The following HSPBAP1 variants were observed in gnomAD, a reference collection of about 807,000 sequenced individuals.
HSPBAP1 encodes HSPB1 associated protein 1.
Under a neutral mutation model 45.2 loss-of-function variants are expected in HSPBAP1, and 27 were observed. The observed-to-expected ratio is 0.60, with a 90% CI of 0.44 to 0.82. The LOEUF is 0.82. HSPBAP1 is among the 40% of genes least tolerant of loss of function. The probability of loss-of-function intolerance (pLI) is 0.00; values close to 1 mark genes in which losing one functional copy is unlikely to be tolerated. For synonymous variants in HSPBAP1, 204 were observed against 202.7 expected, an observed-to-expected ratio of 1.01 and a Z score of -0.06; for missense variants, 510 against 590.9, an observed-to-expected ratio of 0.86 and a Z score of 1.42.
intron 6 of HSPBAP1, among the ~76,000 whole-genome samples, chr3:122,747,770 C>T (rs1383138177): frequency 3.3e-5 from 5 of 149,970 alleles, no homozygotes; most frequent in African/African-American, 4.9e-5. Flanking sequence ...GGGGGTCAGC[C>T]CCCCGCCCGG....
chr3:122,783,833 CT>C (rs79338116), intron 1 of HSPBAP1, among the ~76,000 whole-genome samples: 61 of 145,098 alleles, frequency 4.2e-4, no homozygotes, highest in Admixed American at 6.9e-4. Flanking sequence ...GGGCAACTTT[CT>C]TTTTTTTTTT....
chr3:122,767,601 A>G (rs1360582791), intron 3 of HSPBAP1, among the ~76,000 whole-genome samples: 1 of 152,120 alleles, frequency 6.6e-6, no homozygotes, highest in Non-Finnish European at 1.5e-5. Context: ...ACTATGGGGC[A>G]AGGTGACACA....
chr3:122,772,347 AAG>A (rs1935031219), intron 2 of HSPBAP1, among the ~76,000 whole-genome samples: 1 of 152,190 alleles, frequency 6.6e-6, no homozygotes, highest in Admixed American at 6.5e-5. Context: ...TATAAGAAAA[AAG>A]AGTAATTAGG....
chr3:122,779,512 A>ATTTATTTATTTATTTG (rs1209817362), intron 1 of HSPBAP1, among the ~76,000 whole-genome samples: 1 of 143,190 alleles, frequency 7.0e-6, no homozygotes, highest in African/African-American at 2.5e-5. Flanking sequence ...TTATTTATTT[A>ATTTATTTATTTATTTG]TTTATTTATT....
intron 4 of HSPBAP1, among the ~76,000 whole-genome samples, chr3:122,757,012 C>T (rs1024377189): frequency 2.6e-5 from 4 of 152,178 alleles, no homozygotes; most frequent in Non-Finnish European, 4.4e-5. Context: ...GGATTCAGAG[C>T]TAGGTCACAG....
chr3:122,777,729 A>T lies in HSPBAP1; in HGVS notation c.242T>A (p.Met81Lys). Residue 81 changes from methionine to lysine, a missense_variant, in exon 2 of 8, where the codon ATG becomes AAG. Met to Lys is a moderately conservative substitution (Grantham distance 95). Transcript: ENST00000306103. ...ATTACCTATAGTCATACCTGTGCTC[A>T]TGCTTTTCATCCCCATTCTGAATCG... is the stretch of plus-strand genomic sequence containing the variant. ...QIRFRMGMKS[M>K]STVPQFETTC... is the part of the protein sequence containing the mutation. The T allele has an allele frequency of 1.2e-6, 2 of 1,613,102 alleles. No individual in the cohort carries two copies. Among genetic ancestry groups the T allele is most frequent in the Non-Finnish European group, 1.7e-6 (2 of 1,179,140 alleles).
intron 1 of HSPBAP1, among the ~76,000 whole-genome samples, chr3:122,780,663 C>T (rs1459681529): frequency 6.7e-6 from 1 of 149,800 alleles, no homozygotes; most frequent in East Asian, 2.0e-4. Context: ...CTGACCCCCC[C>T]ACCTCCCTCC....
chr3:122,759,181 C>A (rs769448166), intron 4 of HSPBAP1, 43 bp downstream of exon 4: 14 of 1,236,462 alleles, frequency 1.1e-5, no homozygotes, highest in Non-Finnish European at 1.6e-5. Context: ...TGCACATGTG[C>A]GTTCCACACA....
chr3:122,776,266 TTA>T (rs1360340522), intron 2 of HSPBAP1, among the ~76,000 whole-genome samples: 3 of 152,234 alleles, frequency 2.0e-5, no homozygotes, highest in Non-Finnish European at 4.4e-5. Flanking sequence ...ATGCTAAATT[TTA>T]TGTTATGTGG....
intron 1 of HSPBAP1, among the ~76,000 whole-genome samples, chr3:122,783,833 CTTTTT>C (rs79338116): frequency 1.4e-5 from 2 of 145,074 alleles, no homozygotes. Flanking sequence ...GGGCAACTTT[CTTTTT>C]TTTTTTTTTT....
At chr3:122,753,370 T>C in intron 5 of HSPBAP1, 3 of 863,314 alleles carry the variant, frequency 3.5e-6, no homozygotes, top group Non-Finnish European at 4.1e-6. Flanking sequence ...GGGGAATTAG[T>C]TTAGGGACAG....
intron 2 of HSPBAP1, among the ~76,000 whole-genome samples, chr3:122,776,341 C>T (rs1050686865): frequency 1.3e-5 from 2 of 152,176 alleles, no homozygotes; most frequent in African/African-American, 2.4e-5. Context: ...CTCACAACCT[C>T]AGAGAGTTAT....
intron 1 of HSPBAP1, among the ~76,000 whole-genome samples, chr3:122,779,520 A>AT (rs1272031853): frequency 2.0e-5 from 3 of 148,074 alleles, no homozygotes; most frequent in Admixed American, 1.3e-4. Context: ...TTATTTATTT[A>AT]TTTTTTATTG....
At chr3:122,761,386 T>G (rs1041839053) in intron 3 of HSPBAP1, 4 of 148,548 alleles carry the variant, frequency 2.7e-5, no homozygotes, top group African/African-American at 1.0e-4. Flanking sequence ...AAAGAATCAC[T>G]GAAGGTTTTT....
chr3:122,742,430 T>A (rs1167560244), intron 6 of HSPBAP1, among the ~76,000 whole-genome samples: 1 of 152,186 alleles, frequency 6.6e-6, no homozygotes. Flanking sequence ...TTGGTGAGGA[T>A]GCAGAGAAAT....
intron 3 of HSPBAP1, among the ~76,000 whole-genome samples, chr3:122,766,957 T>C (rs1402992488): frequency 1.3e-5 from 2 of 152,156 alleles, no homozygotes; most frequent in African/African-American, 2.4e-5. Context: ...TTACCTGAAA[T>C]ATGGAGTAAA....
At chr3:122,777,951 T>A in intron 1 of HSPBAP1, 45 bp from the exon 2 acceptor site, 1 of 1,338,850 alleles carries the variant, frequency 7.5e-7, no homozygotes, top group Non-Finnish European at 1.0e-6. Flanking sequence ...AACTATCAAG[T>A]TTTTTCATAC....
chr3:122,780,725 G>T, intron 1 of HSPBAP1, among the ~76,000 whole-genome samples: 1 of 151,506 alleles, frequency 6.6e-6, no homozygotes, highest in African/African-American at 2.4e-5. Context: ...AGACGGGGTG[G>T]CTGCCGGGCG....
At chr3:122,780,920 C>T (rs1404002248) in intron 1 of HSPBAP1, among the ~76,000 whole-genome samples, 6 of 84,596 alleles carry the variant, frequency 7.1e-5, no homozygotes, top group African/African-American at 1.8e-4. Flanking sequence ...CCAGACGGGG[C>T]GGCGGGGCAG....
Sources: gnomAD v4.1 joint callset for allele counts (sites outside exome capture counted in the v4.1 genomes callset) on GRCh38, gnomAD v4.1.1 for gene constraint, MANE v1.5 for transcripts, NCBI Gene and HGNC (gene_info 2026-07-23, HGNC 2026-07-21) for gene names.